Variants in KPNA3 observed in about 807,000 individuals in gnomAD.
KPNA3 encodes the protein karyopherin subunit alpha 3, also known as importin subunit alpha-4.
Under a neutral mutation model 73.8 loss-of-function variants are expected in KPNA3, and 13 were observed. The ratio of observed to expected loss-of-function variants is 0.18; its 90% CI spans 0.11 to 0.28. KPNA3 has a LOEUF of 0.28. Ranked by LOEUF, KPNA3 falls within the 10% of genes least tolerant of loss-of-function variation. The pLI is 1.00. For synonymous variants in KPNA3, 186 were observed against 206.9 expected (o/e 0.90, Z 0.87); for missense variants, 360 against 618.1 (o/e 0.58, Z 4.43).
Position 49,721,999 on chromosome 13 carries a change from A to T in KPNA3, c.682T>A (p.Cys228Ser). 1 of 1,610,478 alleles carries T rather than the reference A, an allele frequency of 6.2e-7. No individual in the cohort carries two copies. The highest frequency in any genetic ancestry group is 1.1e-5 in the South Asian group (1 of 90,304). ...RNVTWVIVNL[C>S]RNKDPPPPME... The stretch of plus-strand genomic sequence containing the variant: ...GGCGGCGGGGGATCCTTATTCCTGC[A>T]GAGATTGACAATGACCCATGTGACG... The change falls in exon 9 of 17, where the codon TGC (cysteine) becomes AGC (serine). Residue 228 changes from cysteine (C) to serine (S), a missense_variant. This residue lies in a region of KPNA3 where 287 missense variants were observed against 549.1 expected (regional missense o/e 0.52). Transcript: ENST00000261667.
rs543168442 is a variant in KPNA3, at chr13:49,718,428, C to T, written c.771+1347G>A. 2.0e-5 allele frequency among the ~76,000 whole-genome samples: 3 copies of T among 152,112 alleles called. No homozygotes were observed. The East Asian group carries it at 5.8e-4, about 29-fold the overall frequency. ...ACTACAGTACACTGCCACTTTAATA[C>T]CCCAGCTTTCACATAAACACAACCA... On this transcript the variant is annotated intron_variant, in intron 10 of 16. Transcript: ENST00000261667.
chr13:49,786,314 CA>C (rs1954982178), intron 1 of KPNA3, among the ~76,000 whole-genome samples: 2 of 152,180 alleles, frequency 1.3e-5, no homozygotes, highest in African/African-American at 4.8e-5. Context: ...AGCTTCTCAA[CA>C]GAGCCCAAAT....
At chr13:49,721,926 C>T in intron 9 of KPNA3, 29 bp downstream of exon 9, 8 of 1,422,620 alleles carry the variant, frequency 5.6e-6, no homozygotes, top group Non-Finnish European at 7.5e-6. Flanking sequence ...GGAAAATATA[C>T]CATCTGGCCT....
In KPNA3 at chr13:49,715,008, T is replaced by C. The variant is rs1355508750; in HGVS notation, c.772-3986A>G. On this transcript the variant is annotated intron_variant, in intron 10 of 16. Transcript: ENST00000261667. ...TTTTAAAAATATCATTAATATAAGT[T>C]TTATTAATAGATTTAAGGAGAAAAT... is the stretch of plus-strand genomic sequence containing the variant. 2.6e-5 allele frequency among the ~76,000 whole-genome samples: 4 copies of C among 152,072 alleles called. No homozygotes were observed. The East Asian group carries it at 7.7e-4, about 29-fold the overall frequency.
At position 49,747,086 on chromosome 13, in the gene KPNA3, A is replaced by G. The variant is rs141944389; in HGVS notation, c.70-93T>C. The stretch of plus-strand genomic sequence containing the variant: ...GCTGGGTGCAGTGGCTCATGCCTAT[A>G]ATCCTAGCACTTTGGGAGGCCGAGG... On this transcript the variant is annotated intron_variant, in intron 1 of 16. Coordinates refer to ENST00000261667, the MANE Select transcript of KPNA3 (RefSeq NM_002267.4). 18 of 903,134 alleles carry G rather than the reference A, an allele frequency of 2.0e-5. No homozygotes were observed. In the East Asian group the frequency reaches 4.7e-4, roughly 23 times the overall value. The allele number at this position is 903,134 out of a possible 1,614,324, so 55.9% of individuals were successfully genotyped here.
intron 1 of KPNA3, among the ~76,000 whole-genome samples, chr13:49,767,345 T>C (rs1246259009): frequency 2.7e-5 from 4 of 146,464 alleles, no homozygotes; most frequent in Non-Finnish European, 4.5e-5. Context: ...ACCCAGGAGG[T>C]GGAGGTTGCA....
At chr13:49,765,558 A>G (rs951864328) in intron 1 of KPNA3, among the ~76,000 whole-genome samples, 1 of 152,110 alleles carries the variant, frequency 6.6e-6, no homozygotes, top group African/African-American at 2.4e-5. Flanking sequence ...GCTGGTCTCA[A>G]ACTCCTGGGC....
At chr13:49,708,501 T>C (rs1954229373) in intron 12 of KPNA3, among the ~76,000 whole-genome samples, 1 of 152,182 alleles carries the variant, frequency 6.6e-6, no homozygotes, top group Non-Finnish European at 1.5e-5. Context: ...AATTAACATA[T>C]GATCGAGCAA....
At chr13:49,733,451 G>A (rs1181929016) in intron 2 of KPNA3, among the ~76,000 whole-genome samples, 40 of 151,980 alleles carry the variant, frequency 2.6e-4, no homozygotes, top group Admixed American at 2.5e-3. Context: ...ACCACACCTG[G>A]CTAATTTTTA....
chr13:49,712,437 GA>G (rs539586463), intron 10 of KPNA3, among the ~76,000 whole-genome samples: 26 of 147,772 alleles, frequency 1.8e-4, no homozygotes, highest in Non-Finnish European at 2.8e-4. Context: ...ATAGAAGGGG[GA>G]AAAAAAAATA....
chr13:49,754,666 T>C (rs1049900346), intron 1 of KPNA3, among the ~76,000 whole-genome samples: 9 of 123,536 alleles, frequency 7.3e-5, no homozygotes, highest in African/African-American at 2.4e-4. Context: ...AAAGAGAAAA[T>C]GCAGAGTTAT....
chr13:49,713,365 A>G (rs1954277385), intron 10 of KPNA3, among the ~76,000 whole-genome samples: 1 of 148,102 alleles, frequency 6.8e-6, no homozygotes, highest in Non-Finnish European at 1.5e-5. Context: ...TTAACATACT[A>G]CTGTCATATG....
At chr13:49,738,815 C>T (rs576186968) in intron 2 of KPNA3, among the ~76,000 whole-genome samples, 1 of 152,220 alleles carries the variant, frequency 6.6e-6, no homozygotes, top group East Asian at 1.9e-4. Flanking sequence ...AACTACATAC[C>T]TTTCATTTCT....
At chr13:49,739,592 C>T (rs1954554776) in intron 2 of KPNA3, among the ~76,000 whole-genome samples, 1 of 152,106 alleles carries the variant, frequency 6.6e-6, no homozygotes, top group African/African-American at 2.4e-5. Flanking sequence ...TAAACAGTAC[C>T]TATTAATAAA....
rs750018832 is a variant in KPNA3, at chr13:49,732,785, G to GA, written c.205-10dup. On this transcript the variant is annotated splice_polypyrimidine_tract_variant and intron_variant, in intron 3 of 16. Transcript: ENST00000261667. ...TCTAGGGTTACATTTTGCTTAAAAA[G>GA]AAAAAAAAAATAGTTCAGCAGAGTT... The GA allele has an allele frequency of 3.4e-3, 4,774 of 1,406,528 alleles. No homozygotes were observed. The highest frequency in any genetic ancestry group is 9.1e-3 in the East Asian group (369 of 40,570). 87.1% of individuals were successfully genotyped at this position (1,406,528 alleles called of 1,614,324 possible). A position where few individuals can be genotyped will look rare whatever the true frequency, so the allele number is the denominator to read the frequency against.
chr13:49,772,121 TAA>T (rs1433168090), intron 1 of KPNA3, among the ~76,000 whole-genome samples: 1 of 152,222 alleles, frequency 6.6e-6, no homozygotes, highest in African/African-American at 2.4e-5. Context: ...CATTTGCAAA[TAA>T]AGAGTTTTAA....
At chr13:49,739,725 TA>T (rs1208093869) in intron 2 of KPNA3, among the ~76,000 whole-genome samples, 1 of 152,206 alleles carries the variant, frequency 6.6e-6, no homozygotes, top group African/African-American at 2.4e-5. Context: ...AAGGAGCTTT[TA>T]CCTTCAGGGT....
At chr13:49,755,660 G>A (rs866339029) in intron 1 of KPNA3, among the ~76,000 whole-genome samples, 3 of 152,196 alleles carry the variant, frequency 2.0e-5, no homozygotes, top group Middle Eastern at 3.4e-3. Context: ...GCGTGGTGGT[G>A]CACACCTGTA....
intron 1 of KPNA3, among the ~76,000 whole-genome samples, chr13:49,778,527 T>C (rs1954915020): frequency 2.0e-5 from 3 of 152,272 alleles, no homozygotes; most frequent in Admixed American, 1.3e-4. Flanking sequence ...TAACAAGATA[T>C]AAATTACACA....
Sources: gnomAD v4.1 joint callset for allele counts (sites outside exome capture counted in the v4.1 genomes callset) on GRCh38, gnomAD v4.1.1 for gene constraint, gnomAD v4.1.1 regional missense constraint, MANE v1.5 for transcripts, NCBI Gene and HGNC (gene_info 2026-07-23, HGNC 2026-07-21) for gene names.